The following CADM2 variants were observed in gnomAD, a reference collection of about 807,000 sequenced individuals.
CADM2 encodes the protein cell adhesion molecule 2.
Under a neutral mutation model 49.8 loss-of-function variants are expected in CADM2, and 12 were observed. That is an observed-to-expected ratio of 0.24 (90% CI 0.15 to 0.39). The LOEUF is 0.39. Ranked by LOEUF, CADM2 falls within the 10% of genes least tolerant of loss-of-function variation. The probability of loss-of-function intolerance (pLI) is 1.00; values close to 1 mark genes in which losing one functional copy is unlikely to be tolerated. For synonymous variants in CADM2, 214 were observed against 175.4 expected (o/e 1.22, Z -1.74); for missense variants, 378 against 492.3 (o/e 0.77, Z 2.20).
At chr3:84,966,887 T>C (rs532157530) in intron 1 of CADM2, among the ~76,000 whole-genome samples, 1 of 152,046 alleles carries the variant, frequency 6.6e-6, no homozygotes, top group Admixed American at 6.6e-5. Flanking sequence ...TAAATACTGA[T>C]GTCATTAGGC....
At chr3:85,344,209 A>C (rs2030287202) in intron 1 of CADM2, among the ~76,000 whole-genome samples, 1 of 150,036 alleles carries the variant, frequency 6.7e-6, no homozygotes, top group African/African-American at 2.5e-5. Context: ...CCCCATCTCT[A>C]CTAAAAATAC....
intron 1 of CADM2, among the ~76,000 whole-genome samples, chr3:85,295,633 C>T (rs540086025): frequency 8.7e-4 from 132 of 152,194 alleles, no homozygotes; most frequent in Non-Finnish European, 1.4e-3. Context: ...AGTTCATGTC[C>T]TTTGTAGGGA....
At chr3:85,977,148 G>A (rs138828260) in intron 8 of CADM2, among the ~76,000 whole-genome samples, 1,670 of 151,008 alleles carry the variant, frequency 0.011, 26 homozygotes, top group African/African-American at 0.036. Context: ...TATTATTATT[G>A]TAAATAAAAA....
At chr3:86,037,984 T>C (rs1735380710) in intron 8 of CADM2, among the ~76,000 whole-genome samples, 1 of 152,058 alleles carries the variant, frequency 6.6e-6, no homozygotes, top group African/African-American at 2.4e-5. Flanking sequence ...TCTCCCTCCA[T>C]TTGCCCCCAA....
intron 2 of CADM2, among the ~76,000 whole-genome samples, chr3:85,785,558 C>A (rs1303628535): frequency 6.6e-6 from 1 of 151,976 alleles, no homozygotes; most frequent in Non-Finnish European, 1.5e-5. Context: ...TGAAACACAC[C>A]AAGCTTTATC....
At chr3:85,888,523 A>G (rs916713381) in intron 5 of CADM2, among the ~76,000 whole-genome samples, 3 of 152,194 alleles carry the variant, frequency 2.0e-5, no homozygotes, top group Admixed American at 2.0e-4. Context: ...AAACTTGTGA[A>G]GATCCCATTT....
At chr3:85,652,008 G>A (rs1335119306) in intron 1 of CADM2, among the ~76,000 whole-genome samples, 3 of 46,146 alleles carry the variant, frequency 6.5e-5, no homozygotes, top group Non-Finnish European at 9.5e-5. Flanking sequence ...AATTAGAGAC[G>A]GGTTTTCACC....
At chr3:84,965,472 C>T in intron 1 of CADM2, among the ~76,000 whole-genome samples, 1 of 152,142 alleles carries the variant, frequency 6.6e-6, no homozygotes, top group East Asian at 1.9e-4. Context: ...TATTTGTAAT[C>T]ACATGAGGTT....
At chr3:85,458,356 A>G (rs1251646701) in intron 1 of CADM2, among the ~76,000 whole-genome samples, 3 of 152,192 alleles carry the variant, frequency 2.0e-5, no homozygotes, top group African/African-American at 4.8e-5. Context: ...TGTGGGAAGG[A>G]TATCTTTGAA....
chr3:85,469,218 T>C (rs2038657819), intron 1 of CADM2, among the ~76,000 whole-genome samples: 1 of 152,190 alleles, frequency 6.6e-6, no homozygotes, highest in Non-Finnish European at 1.5e-5. Context: ...TAGATATTTA[T>C]TTAGCGACTA....
At chr3:85,049,188 A>T in intron 1 of CADM2, among the ~76,000 whole-genome samples, 1 of 152,154 alleles carries the variant, frequency 6.6e-6, no homozygotes, top group East Asian at 1.9e-4. Context: ...ATTGCAGTGA[A>T]GTAGTAAAAA....
intron 1 of CADM2, among the ~76,000 whole-genome samples, chr3:85,609,174 G>T (rs1030215369): frequency 6.6e-6 from 1 of 151,798 alleles, no homozygotes; most frequent in Non-Finnish European, 1.5e-5. Context: ...CCAAATATAG[G>T]AATTGCTCCA....
chr3:84,982,515 A>G (rs11127871), intron 1 of CADM2, among the ~76,000 whole-genome samples: 7,458 of 151,388 alleles, frequency 0.049, 216 homozygotes, highest in East Asian at 0.098. Flanking sequence ...ATTCATACAC[A>G]ATTTTCTTTA....
intron 1 of CADM2, among the ~76,000 whole-genome samples, chr3:85,681,255 T>A (rs913452414): frequency 4.6e-5 from 7 of 152,124 alleles, no homozygotes; most frequent in South Asian, 2.1e-4. Context: ...GAGATGACGT[T>A]ACCATATAGA....
chr3:84,990,622 A>T (rs1394729171), intron 1 of CADM2, among the ~76,000 whole-genome samples: 5 of 152,070 alleles, frequency 3.3e-5, no homozygotes, highest in Non-Finnish European at 5.9e-5. Flanking sequence ...AAATTAAAAT[A>T]CATTTTTATA....
chr3:85,002,556 G>C (rs181689830), intron 1 of CADM2, among the ~76,000 whole-genome samples: 1 of 152,174 alleles, frequency 6.6e-6, no homozygotes, highest in East Asian at 1.9e-4. Flanking sequence ...GGATTACTTA[G>C]AAAACAACTT....
At chr3:85,010,567 C>A (rs1485391376) in intron 1 of CADM2, among the ~76,000 whole-genome samples, 1 of 152,050 alleles carries the variant, frequency 6.6e-6, no homozygotes, top group Non-Finnish European at 1.5e-5. Flanking sequence ...AGAATTCTTC[C>A]AATCCCTGGC....
At chr3:85,471,447 A>G (rs1186922756) in intron 1 of CADM2, among the ~76,000 whole-genome samples, 1 of 152,116 alleles carries the variant, frequency 6.6e-6, no homozygotes, top group Non-Finnish European at 1.5e-5. Flanking sequence ...TTAAAATTAT[A>G]TTAGTGAAAA....
At chr3:85,700,722 C>T (rs2066727806) in intron 1 of CADM2, among the ~76,000 whole-genome samples, 1 of 152,158 alleles carries the variant, frequency 6.6e-6, no homozygotes, top group East Asian at 1.9e-4. Context: ...ACTCCAGTTC[C>T]AAATAAGTTC....
Sources: allele counts gnomAD v4.1 joint callset (sites outside exome capture counted in the v4.1 genomes callset), GRCh38; gene constraint gnomAD v4.1.1; transcripts MANE v1.5; gene names NCBI Gene and HGNC (gene_info 2026-07-23, HGNC 2026-07-21).